The following STXBP6 variants were observed in gnomAD, a reference collection of about 807,000 sequenced individuals.
The protein encoded by STXBP6 is syntaxin binding protein 6, also known as syntaxin-binding protein 6.
A neutral mutation model predicts 26.9 loss-of-function variants in STXBP6; 21 were observed. The observed-to-expected ratio is 0.78, with a 90% CI of 0.55 to 1.12. STXBP6 has a LOEUF of 1.12. STXBP6 is among the 50% of genes most tolerant of loss of function. STXBP6 has a pLI of 0.00. For synonymous variants in STXBP6, 97 were observed against 92.6 expected (o/e 1.05, Z -0.27); for missense variants, 232 against 257.9 (o/e 0.90, Z 0.69).
intron 2 of STXBP6, among the ~76,000 whole-genome samples, chr14:24,969,590 T>C (rs2093714): frequency 0.28 from 42,351 of 152,132 alleles, 6,902 homozygotes; most frequent in African/African-American, 0.46. Flanking sequence ...TAATCAGGTA[T>C]GTAGTAAACA....
chr14:24,860,818 G>A (rs941270506), intron 2 of STXBP6, among the ~76,000 whole-genome samples: 1 of 150,676 alleles, frequency 6.6e-6, no homozygotes, highest in East Asian at 2.0e-4. Context: ...AAAACAGATT[G>A]CACCCCCAAT....
chr14:24,926,608 T>C (rs2072180443), intron 2 of STXBP6, among the ~76,000 whole-genome samples: 1 of 152,182 alleles, frequency 6.6e-6, no homozygotes, highest in Non-Finnish European at 1.5e-5. Context: ...GAGAGTAAAT[T>C]TGTAAATAAA....
At chr14:24,908,030 C>T (rs909348206) in intron 2 of STXBP6, among the ~76,000 whole-genome samples, 1 of 152,062 alleles carries the variant, frequency 6.6e-6, no homozygotes, top group South Asian at 2.1e-4. Context: ...AAGCAATGAC[C>T]CCATTTGGGT....
chr14:24,922,672 T>A (rs2072023139), intron 2 of STXBP6, among the ~76,000 whole-genome samples: 1 of 152,112 alleles, frequency 6.6e-6, no homozygotes, highest in African/African-American at 2.4e-5. Context: ...TTCTACTTGG[T>A]GACCTTGACC....
chr14:24,838,688 A>C (rs1307733362), intron 4 of STXBP6, among the ~76,000 whole-genome samples: 3 of 152,016 alleles, frequency 2.0e-5, no homozygotes, highest in African/African-American at 7.2e-5. Flanking sequence ...CGTCTCAAAA[A>C]AAAAAGAGAA....
chr14:24,859,431 G>A (rs150802389), intron 2 of STXBP6, among the ~76,000 whole-genome samples: 47 of 152,212 alleles, frequency 3.1e-4, no homozygotes, highest in African/African-American at 1.0e-3. Flanking sequence ...ATCGTATAGA[G>A]TTAAATTAAG....
intron 1 of STXBP6, among the ~76,000 whole-genome samples, chr14:25,019,736 C>G (rs1162016837): frequency 6.6e-6 from 1 of 152,140 alleles, no homozygotes; most frequent in African/African-American, 2.4e-5. Context: ...TATCTGAAAA[C>G]TGCATGACCA....
At chr14:24,879,850 G>A (rs1037862057) in intron 2 of STXBP6, among the ~76,000 whole-genome samples, 8 of 152,288 alleles carry the variant, frequency 5.3e-5, no homozygotes, top group Admixed American at 4.6e-4. Context: ...GGCAGCTCCT[G>A]AGGGGCAACA....
intron 2 of STXBP6, among the ~76,000 whole-genome samples, chr14:24,964,679 G>GTGTA (rs2073674017): frequency 6.6e-6 from 1 of 151,682 alleles, no homozygotes; most frequent in Non-Finnish European, 1.5e-5. Flanking sequence ...GTGTGTGTGT[G>GTGTA]TGTATGTAAA....
Position 24,906,516 on chromosome 14 carries a change from T to C in STXBP6, c.155-49359A>G, listed in dbSNP as rs116455646. Among the ~76,000 whole-genome samples the C allele has an allele frequency of 3.6e-3, 551 of 152,326 alleles. 4 individuals carry two copies. Among genetic ancestry groups the C allele is most frequent in the African/African-American group, 0.012 (504 of 41,582 alleles). ...GGGGAATTTCAAATGCAGAGTACTG[T>C]ATATTTTAGCAATGTTCCTTTAAAG... On this transcript the variant is annotated intron_variant, in intron 2 of 5. Transcript: ENST00000323944.
intron 2 of STXBP6, among the ~76,000 whole-genome samples, chr14:24,861,900 T>C (rs1395268136): frequency 6.6e-6 from 1 of 152,180 alleles, no homozygotes; most frequent in Non-Finnish European, 1.5e-5. Context: ...TTCTCCTCCT[T>C]CTGTTTCTTC....
chr14:24,995,181 T>C (rs191172995), intron 1 of STXBP6, among the ~76,000 whole-genome samples: 1 of 152,166 alleles, frequency 6.6e-6, no homozygotes, highest in Non-Finnish European at 1.5e-5. Flanking sequence ...TGGTGCCTTG[T>C]AGCTGTGTAC....
Position 24,980,887 on chromosome 14 carries a change from A to G in STXBP6, c.-32-6037T>C, listed in dbSNP as rs969059082. 2.6e-5 allele frequency among the ~76,000 whole-genome samples: 4 copies of G among 152,152 alleles called. No individual in the cohort carries two copies. In the South Asian group the frequency reaches 6.2e-4, roughly 24 times the overall value. ...AAAAATATCTTAAAGTAGAAACTCC[A>G]AACAAAAACTGCACATGAACATCAC... is the stretch of plus-strand genomic sequence containing the variant. On this transcript the variant is annotated intron_variant, in intron 1 of 5. Transcript: ENST00000323944.
At chr14:24,835,036 C>T (rs190718880) in intron 4 of STXBP6, among the ~76,000 whole-genome samples, 17 of 152,244 alleles carry the variant, frequency 1.1e-4, no homozygotes, top group Non-Finnish European at 2.1e-4. Flanking sequence ...TTAAGACCTC[C>T]TTACAGTTAG....
In STXBP6 at chr14:24,812,624, C is replaced by A; in HGVS notation, c.*85G>T. 7.4e-7 allele frequency: 1 copy of A among 1,342,580 alleles called. No homozygotes were observed. Among genetic ancestry groups the A allele is most frequent in the Non-Finnish European group, 1.1e-6 (1 of 942,352 alleles). The allele number at this position is 1,342,580 out of a possible 1,614,324, so 83.2% of individuals were successfully genotyped here. A position where few individuals can be genotyped will look rare whatever the true frequency, so the allele number is the denominator to read the frequency against. On this transcript the variant is annotated 3_prime_UTR_variant, in exon 6 of 6. Coordinates refer to ENST00000323944, the MANE Select transcript of STXBP6 (RefSeq NM_001394410.1). ...TGTCCAAATATTGGAAAAAAAGAAG[C>A]AAGCGGAGGTCCCGAATTCTTGTAA... is the stretch of plus-strand genomic sequence containing the variant.
chr14:24,908,659 C>A (rs1301881106), intron 2 of STXBP6, among the ~76,000 whole-genome samples: 1 of 152,158 alleles, frequency 6.6e-6, no homozygotes, highest in Admixed American at 6.6e-5. Context: ...TCTTCCTCCA[C>A]AAATGGTCCT....
At chr14:24,903,515 C>T (rs980108948) in intron 2 of STXBP6, among the ~76,000 whole-genome samples, 2 of 152,142 alleles carry the variant, frequency 1.3e-5, no homozygotes, top group Admixed American at 1.3e-4. Flanking sequence ...CTAACAGTCC[C>T]TTAAACAAAG....
intron 2 of STXBP6, among the ~76,000 whole-genome samples, chr14:24,899,803 A>AGC (rs1438038815): frequency 0.4 from 30,887 of 76,936 alleles, 5,210 homozygotes; most frequent in South Asian, 0.52. Context: ...AAAAAAAGCA[A>AGC]AAAAAAAAAA....
At chr14:25,000,241 T>G (rs1402133300) in intron 1 of STXBP6, among the ~76,000 whole-genome samples, 2 of 151,992 alleles carry the variant, frequency 1.3e-5, no homozygotes, top group Admixed American at 6.6e-5. Context: ...TTTTTTGTAT[T>G]TTTAGTAGAG....
Sources: allele counts gnomAD v4.1 joint callset (sites outside exome capture counted in the v4.1 genomes callset), GRCh38; gene constraint gnomAD v4.1.1; transcripts MANE v1.5; gene names NCBI Gene and HGNC (gene_info 2026-07-23, HGNC 2026-07-21).